The following NINJ2 variants were observed in gnomAD, a reference collection of about 807,000 sequenced individuals.
The protein encoded by NINJ2 is ninjurin-2.
NINJ2 carries 12 observed loss-of-function variants against 11.7 expected under a neutral mutation model. That is an observed-to-expected ratio of 1.02 (90% CI 0.66 to 1.66). The LOEUF is 1.66. Ranked by LOEUF, NINJ2 falls within the 40% of genes most tolerant of loss-of-function variation. NINJ2 has a pLI of 0.00. For synonymous variants in NINJ2, 93 were observed against 76.8 expected (o/e 1.21, Z -1.10); for missense variants, 187 against 181.8 (o/e 1.03, Z -0.16).
chr12:607,722 T>C (rs1483372604), intron 1 of NINJ2, among the ~76,000 whole-genome samples: 2 of 152,050 alleles, frequency 1.3e-5, no homozygotes, highest in Non-Finnish European at 2.9e-5. Flanking sequence ...ACTCAGGAAG[T>C]AGGTCAGGAG....
chr12:572,808 A>T (rs1433040390), intron 1 of NINJ2, among the ~76,000 whole-genome samples: 1 of 151,856 alleles, frequency 6.6e-6, no homozygotes, highest in Non-Finnish European at 1.5e-5. Flanking sequence ...ATCACACAGC[A>T]CAGAGTTTTT....
chr12:609,814 G>A (rs1948004473), intron 1 of NINJ2, among the ~76,000 whole-genome samples: 2 of 147,590 alleles, frequency 1.4e-5, no homozygotes, highest in South Asian at 4.4e-4. Flanking sequence ...AGCAGCAATA[G>A]GGGACTTGTC....
intron 1 of NINJ2, among the ~76,000 whole-genome samples, chr12:589,032 GAGTCTCCCACAGAATA>G (rs1198286443): frequency 1.3e-5 from 2 of 152,060 alleles, no homozygotes; most frequent in African/African-American, 4.8e-5. Flanking sequence ...CCACTTCTAG[GAGTCTCCCACAGAATA>G]AGTCTCCCAC....
At position 628,910 on chromosome 12, in the gene NINJ2, C is replaced by T. The variant is rs1235057641; in HGVS notation, c.33+34418G>A. Among the ~76,000 whole-genome samples the T allele has an allele frequency of 6.6e-6, 1 of 152,194 alleles. No homozygotes were observed. The highest frequency in any genetic ancestry group is 1.5e-5 in the Non-Finnish European group (1 of 68,026). On this transcript the variant is annotated intron_variant, in intron 1 of 3. Coordinates refer to ENST00000305108, the MANE Select transcript of NINJ2 (RefSeq NM_016533.6). This position sits in a 1 kb window ranked among gnomAD's most constrained non-coding sequence, Gnocchi z 4.4. ...GTCTAAAAGAAGGAGGAGTCCTCAA[C>T]TGGGGGAGGGGGAAAATCTCCATCT...
chr12:639,981 C>T (rs947033892), intron 1 of NINJ2, among the ~76,000 whole-genome samples: 2 of 152,220 alleles, frequency 1.3e-5, no homozygotes, highest in African/African-American at 4.8e-5. Context: ...GGAGGCCTTG[C>T]CCAGGCCCAG....
intron 1 of NINJ2, among the ~76,000 whole-genome samples, chr12:615,166 C>A (rs940995566): frequency 6.6e-6 from 1 of 152,188 alleles, no homozygotes; most frequent in South Asian, 2.1e-4. Flanking sequence ...GAGATATGCA[C>A]GCCCCATTAG....
chr12:572,981 C>T (rs1443606217), intron 1 of NINJ2, among the ~76,000 whole-genome samples: 1 of 150,230 alleles, frequency 6.7e-6, no homozygotes, highest in Non-Finnish European at 1.5e-5. Context: ...CTCAGCCTCC[C>T]GAGTAGCTGG....
At chr12:599,265 T>G (rs1415615243) in intron 1 of NINJ2, among the ~76,000 whole-genome samples, 1 of 151,604 alleles carries the variant, frequency 6.6e-6, no homozygotes, top group South Asian at 2.1e-4. Context: ...GCGCCTGTAA[T>G]CCCAGCTACT....
At chr12:565,639 G>A (rs115123593) in intron 2 of NINJ2, 119 of 610,260 alleles carry the variant, frequency 1.9e-4, no homozygotes, top group African/African-American at 1.8e-3. Context: ...TCCTGTAAGC[G>A]TGGGGACGAG....
At chr12:589,874 G>T (rs549606199) in intron 1 of NINJ2, among the ~76,000 whole-genome samples, 2 of 152,060 alleles carry the variant, frequency 1.3e-5, no homozygotes, top group Non-Finnish European at 2.9e-5. Flanking sequence ...GTTTTCCTCC[G>T]TGGGGTGAGG....
rs757733684 is a variant in NINJ2, at chr12:565,366, G to A, written c.298C>T (p.Arg100Ter). 37 of 1,614,032 alleles carry A rather than the reference G, an allele frequency of 2.3e-5. No homozygotes were observed. In the Middle Eastern group the frequency reaches 4.9e-4, roughly 22 times the overall value. Residue 100 changes from arginine to a stop codon, truncating the protein, a stop_gained, in exon 3 of 4, where the codon CGA becomes TGA. Transcript: ENST00000305108. LOFTEE classifies it high-confidence loss of function. ...LNLNEVEKQWRLNQLNNAATI... is the reference protein window; with the variant it reads ...LNLNEVEKQW ...GCTGCGTTGTTGAGCTGGTTGAGTC[G>A]CCACTGCTTTTCTACCTCATTCAGG... is the stretch of plus-strand genomic sequence containing the variant.
intron 1 of NINJ2, among the ~76,000 whole-genome samples, chr12:631,409 G>A (rs572822241): frequency 1.9e-4 from 29 of 152,222 alleles, no homozygotes; most frequent in African/African-American, 7.0e-4. Flanking sequence ...CTGTCACCAG[G>A]CGGGAGTGCA....
chr12:568,117 A>T (rs1189174509), intron 1 of NINJ2, among the ~76,000 whole-genome samples: 2 of 152,256 alleles, frequency 1.3e-5, no homozygotes, highest in Non-Finnish European at 2.9e-5. Context: ...ATATATGTAC[A>T]TTCTTCCATT....
chr12:576,398 C>T (rs1947462035), intron 1 of NINJ2, among the ~76,000 whole-genome samples: 1 of 152,220 alleles, frequency 6.6e-6, no homozygotes, highest in Admixed American at 6.5e-5. Context: ...CAAAAGGGGG[C>T]CATAAATTAC....
At chr12:649,707 AAAAT>A (rs1286512874) in intron 1 of NINJ2, among the ~76,000 whole-genome samples, 1 of 151,966 alleles carries the variant, frequency 6.6e-6, no homozygotes, top group Admixed American at 6.6e-5. Flanking sequence ...GTAACAGATG[AAAAT>A]AAATCATTCA....
At position 628,535 on chromosome 12, in the gene NINJ2, G is replaced by T. The variant is rs960884967; in HGVS notation, c.33+34793C>A. Among the ~76,000 whole-genome samples, 1 of 152,186 alleles carries T rather than the reference G, an allele frequency of 6.6e-6. No individual in the cohort carries two copies. The highest frequency in any genetic ancestry group is 2.4e-5 in the African/African-American group (1 of 41,452). ...AAGCATGGTAATGCATATATAATAC[G>T]TGTCTATGGCAGAGGCATTCGAACC... On this transcript the variant is annotated intron_variant, in intron 1 of 3. Transcript: ENST00000305108. The surrounding 1 kb of genome is among the most constrained non-coding windows in gnomAD (Gnocchi z 4.4).
intron 1 of NINJ2, among the ~76,000 whole-genome samples, chr12:622,450 A>T (rs1948165129): frequency 6.6e-6 from 1 of 151,176 alleles, no homozygotes. Context: ...GAAAGAAAGA[A>T]AGGGGCTACC....
At chr12:652,221 A>G (rs1383165415) in intron 1 of NINJ2, among the ~76,000 whole-genome samples, 1 of 152,252 alleles carries the variant, frequency 6.6e-6, no homozygotes, top group Non-Finnish European at 1.5e-5. Flanking sequence ...TAAGAATTAC[A>G]TCTGATTTCT....
rs1310309232 is a variant in NINJ2, at chr12:609,262, AC to A, written c.34-43085del. 4.3e-3 allele frequency among the ~76,000 whole-genome samples: 390 copies of A among 90,912 alleles called. 32 individuals are homozygous for A. The East Asian group carries it at 0.078, about 18-fold the overall frequency. The allele number at this position is 90,912 out of a possible 152,430, so 59.6% of individuals were successfully genotyped here. ...CGGCGCCACGCTAGGGGCTGTACGC[AC>A]GCACGGCGCCACGCGCTAGGTGCTG... On this transcript the variant is annotated intron_variant, in intron 1 of 3. Coordinates refer to ENST00000305108, the MANE Select transcript of NINJ2 (RefSeq NM_016533.6).
Sources: gnomAD v4.1 joint callset for allele counts (sites outside exome capture counted in the v4.1 genomes callset) on GRCh38, gnomAD v4.1.1 for gene constraint, Gnocchi (gnomAD v3.1) non-coding constraint, MANE v1.5 for transcripts, NCBI Gene and HGNC (gene_info 2026-07-23, HGNC 2026-07-21) for gene names.